The following PRKG1 variants were observed in gnomAD, a reference collection of about 807,000 sequenced individuals.
PRKG1 encodes the protein protein kinase cGMP-dependent 1.
PRKG1 carries 35 observed loss-of-function variants against 88.1 expected under a neutral mutation model. The observed-to-expected ratio is 0.40, with a 90% CI of 0.30 to 0.53. PRKG1 has a LOEUF of 0.53. PRKG1 is among the 20% of genes least tolerant of loss of function. PRKG1 has a pLI of 0.59. For synonymous variants in PRKG1, 303 were observed against 292.5 expected (o/e 1.04, Z -0.37); for missense variants, 540 against 839.8 (o/e 0.64, Z 4.41).
At chr10:52,036,341 A>G (rs1172062473) in intron 5 of PRKG1, among the ~76,000 whole-genome samples, 1 of 151,960 alleles carries the variant, frequency 6.6e-6, no homozygotes, top group African/African-American at 2.4e-5. Flanking sequence ...AGGCAAAACA[A>G]TTTGGTTGAT....
At chr10:51,405,249 A>G (rs1837877181) in intron 2 of PRKG1, among the ~76,000 whole-genome samples, 1 of 152,224 alleles carries the variant, frequency 6.6e-6, no homozygotes, top group South Asian at 2.1e-4. Flanking sequence ...CCAATCATAA[A>G]ATAAAGTCAA....
At chr10:51,179,618 ATTC>A (rs1409152383) in intron 2 of PRKG1, among the ~76,000 whole-genome samples, 1 of 152,226 alleles carries the variant, frequency 6.6e-6, no homozygotes, top group Non-Finnish European at 1.5e-5. Context: ...TAGATTGGTC[ATTC>A]TTCTTGATTC....
intron 4 of PRKG1, among the ~76,000 whole-genome samples, chr10:51,811,925 A>G (rs1289071943): frequency 6.6e-6 from 1 of 152,152 alleles, no homozygotes. Context: ...TTGGAGAACC[A>G]CTTATCTAGG....
chr10:51,661,662 A>T (rs10823368), intron 3 of PRKG1, among the ~76,000 whole-genome samples: 38 of 152,104 alleles, frequency 2.5e-4, no homozygotes, highest in Admixed American at 1.1e-3. Context: ...ATTGTGGAAG[A>T]CAGTGTGGCA....
intron 7 of PRKG1, among the ~76,000 whole-genome samples, chr10:52,086,033 C>G (rs946882891): frequency 2.0e-5 from 3 of 151,892 alleles, no homozygotes; most frequent in African/African-American, 7.3e-5. Flanking sequence ...TTTGTTTGAT[C>G]ATGTTATTTA....
At chr10:51,453,495 G>A (rs190735686) in intron 2 of PRKG1, among the ~76,000 whole-genome samples, 2 of 151,936 alleles carry the variant, frequency 1.3e-5, no homozygotes, top group East Asian at 3.9e-4. Flanking sequence ...TATCCCAAAG[G>A]TTTTGATAAG....
chr10:51,973,401 G>A (rs140542812), intron 5 of PRKG1, among the ~76,000 whole-genome samples: 101 of 152,150 alleles, frequency 6.6e-4, no homozygotes, highest in Non-Finnish European at 9.1e-4. Flanking sequence ...AGACTCAAAT[G>A]CCTGACACAT....
At chr10:51,738,826 G>T (rs973571371) in intron 3 of PRKG1, among the ~76,000 whole-genome samples, 4 of 152,024 alleles carry the variant, frequency 2.6e-5, no homozygotes, top group African/African-American at 7.2e-5. Context: ...ATTTTTCATG[G>T]CACTCCCTGA....
intron 3 of PRKG1, among the ~76,000 whole-genome samples, chr10:51,708,088 C>T (rs951748925): frequency 6.6e-6 from 1 of 152,096 alleles, no homozygotes; most frequent in African/African-American, 2.4e-5. Context: ...ATTAGAATAC[C>T]ACAGACTTAA....
intron 3 of PRKG1, among the ~76,000 whole-genome samples, chr10:51,709,975 A>G (rs1405329393): frequency 1.3e-5 from 2 of 152,198 alleles, no homozygotes; most frequent in Non-Finnish European, 2.9e-5. Context: ...ATTCAACTAA[A>G]TGTTGAATTT....
intron 9 of PRKG1, chr10:52,184,545 C>T (rs977646411): frequency 4.6e-5 from 7 of 152,150 alleles, no homozygotes; most frequent in Non-Finnish European, 7.4e-5. Context: ...AATGTTACAG[C>T]TATACATAAA....
chr10:51,092,448 G>T (rs1442879098), intron 1 of PRKG1, among the ~76,000 whole-genome samples: 1 of 152,146 alleles, frequency 6.6e-6, no homozygotes, highest in Non-Finnish European at 1.5e-5. Context: ...TCTAAAGTAG[G>T]TGGTCCCAAC....
At chr10:52,291,174 C>A (rs1034464824) in intron 17 of PRKG1, among the ~76,000 whole-genome samples, 1 of 151,886 alleles carries the variant, frequency 6.6e-6, no homozygotes, top group South Asian at 2.1e-4. Context: ...CCTCCCACCT[C>A]GGCCTCCCAA....
intron 4 of PRKG1, among the ~76,000 whole-genome samples, chr10:51,844,116 G>A (rs1336427342): frequency 6.6e-6 from 1 of 151,920 alleles, no homozygotes; most frequent in Non-Finnish European, 1.5e-5. Flanking sequence ...TTTTGTCAAT[G>A]CATCATTTGA....
intron 1 of PRKG1, among the ~76,000 whole-genome samples, chr10:51,140,412 C>T (rs983049650): frequency 6.6e-6 from 1 of 152,108 alleles, no homozygotes; most frequent in Non-Finnish European, 1.5e-5. Context: ...ATAAATGAAT[C>T]AACAGTGTAA....
chr10:52,271,840 T>A (rs560901644), intron 11 of PRKG1, among the ~76,000 whole-genome samples: 1 of 152,088 alleles, frequency 6.6e-6, no homozygotes, highest in Admixed American at 6.6e-5. Context: ...TATCTGAATA[T>A]TTTTTGAAGA....
intron 3 of PRKG1, among the ~76,000 whole-genome samples, chr10:51,504,822 G>A (rs1383554072): frequency 6.6e-6 from 1 of 152,130 alleles, no homozygotes; most frequent in Non-Finnish European, 1.5e-5. Context: ...CATTGATTTT[G>A]TATCCTGAGA....
At chr10:51,263,316 G>A (rs983771613) in intron 2 of PRKG1, among the ~76,000 whole-genome samples, 1 of 152,076 alleles carries the variant, frequency 6.6e-6, no homozygotes, top group Non-Finnish European at 1.5e-5. Context: ...TGATATCAAC[G>A]ATATCCCAGT....
intron 3 of PRKG1, among the ~76,000 whole-genome samples, chr10:51,757,086 C>T (rs1327692892): frequency 1.3e-5 from 2 of 151,456 alleles, no homozygotes; most frequent in African/African-American, 4.9e-5. Flanking sequence ...CATTTCCTCA[C>T]TTTCATTTTA....
Sources: allele counts gnomAD v4.1 joint callset (sites outside exome capture counted in the v4.1 genomes callset), GRCh38; gene constraint gnomAD v4.1.1; transcripts MANE v1.5; gene names NCBI Gene and HGNC (gene_info 2026-07-23, HGNC 2026-07-21).